TBC1D20: variants seen among roughly 807,000 people sequenced by gnomAD.
TBC1D20 encodes TBC1 domain family member 20.
A neutral mutation model predicts 41.6 loss-of-function variants in TBC1D20; 12 were observed. That is an observed-to-expected ratio of 0.29 (90% CI 0.18 to 0.47). The LOEUF (loss-of-function observed/expected upper bound fraction) is 0.47, where lower values mean the gene tolerates loss of function less well. TBC1D20 is among the 20% of genes least tolerant of loss of function. The probability of loss-of-function intolerance (pLI) is 1.00; values close to 1 mark genes in which losing one functional copy is unlikely to be tolerated. For missense variants in TBC1D20, 421 were observed against 517.4 expected (o/e 0.81, Z 1.81); for synonymous variants, 205 against 204.8 (o/e 1.00, Z -0.01).
intron 5 of TBC1D20, chr20:441,075 A>G (rs2017219675): frequency 1.3e-5 from 2 of 154,086 alleles, no homozygotes; most frequent in African/African-American, 4.8e-5. Flanking sequence ...GCAACAAGAG[A>G]AAATACTCCA....
At chr20:449,502 GGA>G (rs2017405864) in intron 1 of TBC1D20, among the ~76,000 whole-genome samples, 1 of 18,224 alleles carries the variant, frequency 5.5e-5, no homozygotes, top group South Asian at 2.9e-3. Flanking sequence ...GGCTGAGGCA[GGA>G]GAGTCGCTTG....
At chr20:458,690 C>A (rs909540886) in intron 1 of TBC1D20, among the ~76,000 whole-genome samples, 3 of 152,140 alleles carry the variant, frequency 2.0e-5, no homozygotes, top group African/African-American at 7.2e-5. Flanking sequence ...GGGAACGCAA[C>A]AAATACGTGC....
At chr20:443,514 C>T (rs1055096909) in intron 3 of TBC1D20, among the ~76,000 whole-genome samples, 4 of 152,210 alleles carry the variant, frequency 2.6e-5, no homozygotes, top group Admixed American at 6.5e-5. Flanking sequence ...CCAAACTAAA[C>T]CGGACAAAGG....
At position 448,021 on chromosome 20, in the gene TBC1D20, T is replaced by C; in HGVS notation, c.124A>G (p.Ser42Gly). The C allele has an allele frequency of 1.9e-6, 3 of 1,614,164 alleles. No homozygotes were observed. Among genetic ancestry groups the C allele is most frequent in the Non-Finnish European group, 2.5e-6 (3 of 1,179,976 alleles). ...AGGGCAGCCACATCAGTGGGATCAC[T>C]GTTCAGAGCCTGGTGTATCTCTGCC... is the stretch of plus-strand genomic sequence containing the variant. ...KVAEIHQALN[S>G]DPTDVAALRR... Residue 42 changes from serine to glycine, a missense_variant, in exon 2 of 8, where the codon AGT becomes GGT. By Grantham distance (56) the Ser-to-Gly change is moderately conservative. This residue lies in a region of TBC1D20 where 150 missense variants were observed against 151.3 expected (regional missense o/e 0.99). Coordinates refer to ENST00000354200, the MANE Select transcript of TBC1D20 (RefSeq NM_144628.4).
chr20:439,077 C>T lies in TBC1D20; in HGVS notation c.956+31G>A. ...TCGCTTCTGCTCATTTACAGCCACC[C>T]CCATTCAACCAGTGTCCCAGCCTTG... On this transcript the variant is annotated intron_variant, in intron 7 of 7. Coordinates refer to ENST00000354200, the MANE Select transcript of TBC1D20 (RefSeq NM_144628.4). This position sits in a 1 kb window ranked among gnomAD's most constrained non-coding sequence, Gnocchi z 4.6. The T allele has an allele frequency of 6.3e-7, 1 of 1,586,640 alleles. No homozygotes were observed. The highest frequency in any genetic ancestry group is 8.6e-7 in the Non-Finnish European group (1 of 1,166,018).
At chr20:455,866 A>C in intron 1 of TBC1D20, among the ~76,000 whole-genome samples, 1 of 152,172 alleles carries the variant, frequency 6.6e-6, no homozygotes, top group African/African-American at 2.4e-5. Context: ...CAAGAGGCGG[A>C]GGTTACAGTG....
chr20:442,332 C>T (rs1170461981), intron 3 of TBC1D20, among the ~76,000 whole-genome samples: 3 of 152,180 alleles, frequency 2.0e-5, no homozygotes, highest in Non-Finnish European at 4.4e-5. Context: ...CCACAGACGG[C>T]CTCTGCCTCC....
intron 1 of TBC1D20, among the ~76,000 whole-genome samples, chr20:457,166 C>A (rs565394281): frequency 1.3e-5 from 2 of 151,652 alleles, no homozygotes; most frequent in African/African-American, 4.8e-5. Context: ...GAACTCCCCA[C>A]CTCAGGTGAT....
intron 1 of TBC1D20, among the ~76,000 whole-genome samples, chr20:460,089 G>A (rs1450155871): frequency 6.6e-6 from 1 of 152,036 alleles, no homozygotes; most frequent in South Asian, 2.1e-4. Flanking sequence ...AATCTCGTGT[G>A]AGCGTACAAA....
Position 439,910 on chromosome 20 carries a change from GCTA to G in TBC1D20, c.768+335_768+337del, listed in dbSNP as rs1378356877. Among the ~76,000 whole-genome samples, 2 of 152,120 alleles carry G rather than the reference GCTA, an allele frequency of 1.3e-5. No homozygotes were observed. Among genetic ancestry groups the G allele is most frequent in the South Asian group, 2.1e-4 (1 of 4,828 alleles). ...CTTAAATCTGGAGTTGACAGCTTAC[GCTA>G]CTATTTCCCTAATTGTGTTCATCAG... On this transcript the variant is annotated intron_variant, in intron 6 of 7. Transcript: ENST00000354200. This position sits in a 1 kb window ranked among gnomAD's most constrained non-coding sequence, Gnocchi z 4.6.
At chr20:452,882 G>A (rs947204504) in intron 1 of TBC1D20, among the ~76,000 whole-genome samples, 2 of 152,180 alleles carry the variant, frequency 1.3e-5, no homozygotes, top group Admixed American at 6.5e-5. Context: ...GGGCACGGTG[G>A]TTCATGCCTG....
At position 441,890 on chromosome 20, in the gene TBC1D20, G is replaced by T. The variant is rs770483310; in HGVS notation, c.491C>A (p.Ser164Tyr). ...GTGGGTAGATAATTTTTCTACCAGG[G>T]ATGTTGCCAGCCTCTCGCCTACCAC... ...LLVVGERLAT[S>Y]LVEKLSTHHL... Residue 164 changes from serine to tyrosine, a missense_variant, in exon 4 of 8, where the codon TCC (serine) becomes TAC (tyrosine). Around this residue, in one of 3 missense-constraint regions of TBC1D20, gnomAD observed 110 missense variants for 183.5 expected, o/e 0.60. Transcript: ENST00000354200. The T allele has an allele frequency of 1.9e-6, 3 of 1,613,948 alleles. No individual in the cohort carries two copies. The highest frequency in any genetic ancestry group is 4.5e-5 in the East Asian group (2 of 44,892).
chr20:443,911 G>C (rs2017283757), intron 3 of TBC1D20, among the ~76,000 whole-genome samples: 1 of 152,048 alleles, frequency 6.6e-6, no homozygotes, highest in Non-Finnish European at 1.5e-5. Flanking sequence ...ATCACCTGAG[G>C]TCAGGAGTTC....
chr20:462,280 C>A, intron 1 of TBC1D20, 56 bp downstream of exon 1: 1 of 1,198,720 alleles, frequency 8.3e-7, no homozygotes, highest in Non-Finnish European at 1.0e-6. Context: ...CCAGCTGCCC[C>A]TGCCCCCCGG....
rs896864722 is a variant in TBC1D20, at chr20:453,135, A to G, written c.71-5061T>C. Among the ~76,000 whole-genome samples the G allele has an allele frequency of 3.1e-5, 4 of 129,642 alleles. No homozygotes were observed. In the Admixed American group the frequency reaches 3.6e-4, roughly 12 times the overall value. 85.1% of individuals were successfully genotyped at this position (129,642 alleles called of 152,430 possible). A position where few individuals can be genotyped will look rare whatever the true frequency, so the allele number is the denominator to read the frequency against. On this transcript the variant is annotated intron_variant, in intron 1 of 7. Transcript: ENST00000354200. Reference sequence around the variant, plus strand: ...GCCATTGCACTCCAGCCTGGGCAACAAGAGCGAAACTCCGTTTCAAAAAAA... The same window carrying G: ...GCCATTGCACTCCAGCCTGGGCAACGAGAGCGAAACTCCGTTTCAAAAAAA...
intron 3 of TBC1D20, 22 bp from the exon 4 acceptor site, chr20:442,065 C>A (rs370933338): frequency 1.1e-4 from 170 of 1,575,460 alleles, no homozygotes; most frequent in Non-Finnish European, 1.4e-4. Flanking sequence ...AACAGAGATG[C>A]CTTTGAACAT....
At chr20:444,130 TAAA>T (rs75236467) in intron 3 of TBC1D20, among the ~76,000 whole-genome samples, 3 of 136,232 alleles carry the variant, frequency 2.2e-5, no homozygotes. Flanking sequence ...ACTCTGTCTT[TAAA>T]AAAAAAAAAA....
chr20:445,230 A>C (rs1333593312), intron 2 of TBC1D20, 100 bp from the exon 3 acceptor site: 15 of 808,466 alleles, frequency 1.9e-5, no homozygotes, highest in Non-Finnish European at 3.2e-5. Context: ...GGCACATGTC[A>C]GCTTCTCCTG....
chr20:441,746 G>T, intron 4 of TBC1D20, 57 bp from the exon 5 acceptor site: 3 of 1,598,334 alleles, frequency 1.9e-6, no homozygotes, highest in Non-Finnish European at 2.6e-6. Flanking sequence ...AGGGCTCAGG[G>T]TGGCGAGGGC....
Sources: allele counts gnomAD v4.1 joint callset (sites outside exome capture counted in the v4.1 genomes callset), GRCh38; gene constraint gnomAD v4.1.1; regional missense constraint gnomAD v4.1.1; non-coding constraint Gnocchi (gnomAD v3.1); transcripts MANE v1.5; gene names NCBI Gene and HGNC (gene_info 2026-07-23, HGNC 2026-07-21).